The following ATP1B1 variants were observed in gnomAD, a reference collection of about 807,000 sequenced individuals.
ATP1B1 encodes ATPase Na+/K+ transporting subunit beta 1, also known as sodium/potassium-transporting ATPase subunit beta-1.
A neutral mutation model predicts 39.6 loss-of-function variants in ATP1B1; 3 were observed. That is an observed-to-expected ratio of 0.08 (90% CI 0.03 to 0.20). The LOEUF is 0.20. Ranked by LOEUF, ATP1B1 falls within the 10% of genes least tolerant of loss-of-function variation. The probability of loss-of-function intolerance (pLI) is 1.00; values close to 1 mark genes in which losing one functional copy is unlikely to be tolerated. For missense variants in ATP1B1, 216 were observed against 371.1 expected (o/e 0.58, Z 3.43); for synonymous variants, 139 against 135.0 (o/e 1.03, Z -0.20).
rs61742560 is a variant in ATP1B1 at position 169,124,978 on chromosome 1, G to T, written c.321G>T (p.Arg107Ser). ...AGGCATATGTACTGAACATAGTTAG[G>T]TTCCTGGAAAAGTACAAAGATTCAG... ...SYEAYVLNIV[R>S]FLEKYKDSAQ... is the part of the protein sequence containing the mutation. Residue 107 changes from arginine to serine, a missense_variant, in exon 3 of 6, where the codon AGG becomes AGT. Physicochemically the swap from Arg to Ser is moderately radical, Grantham distance 110. Coordinates refer to ENST00000367815, the MANE Select transcript of ATP1B1 (RefSeq NM_001677.4). 7 of 1,613,936 alleles carry T rather than the reference G, an allele frequency of 4.3e-6. No individual in the cohort carries two copies. Among genetic ancestry groups the T allele is most frequent in the Non-Finnish European group, 5.9e-6 (7 of 1,179,968 alleles).
chr1:169,116,332 G>A (rs1031638267), intron 2 of ATP1B1, among the ~76,000 whole-genome samples: 6 of 149,386 alleles, frequency 4.0e-5, no homozygotes, highest in Admixed American at 2.0e-4. Context: ...AGGTATGAAT[G>A]TATGCTGCTG....
rs1216771702 is a variant in ATP1B1, at chr1:169,110,803, G to A, written c.98-567G>A. ...GTTGATAATACAAACCAAAGGGAGA[G>A]TGATAGTAAAAAAAACAGGAGGATA... On this transcript the variant is annotated intron_variant, in intron 1 of 5. Transcript: ENST00000367815. 1.0e-5 allele frequency: 7 copies of A among 695,444 alleles called. No homozygotes were observed. The East Asian group carries it at 4.6e-4, about 46-fold the overall frequency. The allele number at this position is 695,444 out of a possible 1,614,324, so 43.1% of individuals were successfully genotyped here.
In ATP1B1 at chr1:169,124,879, T is replaced by A; in HGVS notation, c.227-5T>A. 6.2e-7 allele frequency: 1 copy of A among 1,612,408 alleles called. No individual in the cohort carries two copies. The highest frequency in any genetic ancestry group is 8.5e-7 in the Non-Finnish European group (1 of 1,179,384). On this transcript the variant is annotated splice_polypyrimidine_tract_variant and splice_region_variant and intron_variant, in intron 2 of 5. Transcript: ENST00000367815. ...TACTAATGTTTTTCTCTCTGCCTGGTCTAGGATTAACACAGATTCCTCAGA... is the reference window on the plus strand; with the variant it reads ...TACTAATGTTTTTCTCTCTGCCTGGACTAGGATTAACACAGATTCCTCAGA...
chr1:169,117,087 G>A (rs947577493), intron 2 of ATP1B1, among the ~76,000 whole-genome samples: 17 of 152,184 alleles, frequency 1.1e-4, no homozygotes, highest in Non-Finnish European at 2.2e-4. Flanking sequence ...ACTTTGGAGG[G>A]GTTGTTAGTG....
In ATP1B1 at chr1:169,131,354, T is replaced by A. The variant is rs1288826049; in HGVS notation, c.711T>A (p.Gly237=). ...ATTTTGGACTGGGCAACTCCCCTGGTTTTCCTCTGCAGTATTATCCGTACT... is the reference window on the plus strand; with the variant it reads ...ATTTTGGACTGGGCAACTCCCCTGGATTTCCTCTGCAGTATTATCCGTACT... ...VEYFGLGNSP[G]FPLQYYPYYG... The change falls in exon 6 of 6, where the codon GGT becomes GGA. Residue 237 remains glycine (G), a synonymous_variant. Coordinates refer to ENST00000367815, the MANE Select transcript of ATP1B1 (RefSeq NM_001677.4). This position sits in a 1 kb window ranked among gnomAD's most constrained non-coding sequence, Gnocchi z 4.4. 6.2e-7 allele frequency: 1 copy of A among 1,614,022 alleles called. No individual in the cohort carries two copies. The highest frequency in any genetic ancestry group is 8.5e-7 in the Non-Finnish European group (1 of 1,180,040).
Position 169,106,838 on chromosome 1 carries a change from C to T in ATP1B1, c.9C>T (p.Arg3=). The T allele has an allele frequency of 1.3e-6, 2 of 1,578,886 alleles. No individual in the cohort carries two copies. The highest frequency in any genetic ancestry group is 2.5e-5 in the East Asian group (1 of 40,288). Residue 3 remains arginine, a synonymous_variant, in exon 1 of 6, where the codon CGC becomes CGT. Transcript: ENST00000367815. ...GCTGACCCGCCATCGCCATGGCCCG[C>T]GGGAAAGCCAAGGAGGAGGGCAGCT... is the stretch of plus-strand genomic sequence containing the variant. The part of the protein sequence containing the change: MA[R]GKAKEEGSWK...
chr1:169,132,019 A>ATTTTTTTTTTT lies in ATP1B1; in HGVS notation c.*476_*486dup, dbSNP rs34447553. On this transcript the variant is annotated 3_prime_UTR_variant, in exon 6 of 6. Transcript: ENST00000367815. ...CAACGGGAATAAAACTGGCATGGTA[A>ATTTTTTTTTTT]TTTTTTTTTTTTTTTTTTTTTTGTT... The ATTTTTTTTTTT allele has an allele frequency of 6.4e-3, 1,226 of 190,682 alleles. 19 individuals are homozygous for ATTTTTTTTTTT. Among genetic ancestry groups the ATTTTTTTTTTT allele is most frequent in the East Asian group, 0.054 (234 of 4,352 alleles). 11.8% of individuals were successfully genotyped at this position (190,682 alleles called of 1,614,324 possible). A position where few individuals can be genotyped will look rare whatever the true frequency, so the allele number is the denominator to read the frequency against.
intron 2 of ATP1B1, among the ~76,000 whole-genome samples, chr1:169,115,396 T>G (rs192898448): frequency 3.0e-3 from 448 of 150,764 alleles, no homozygotes; most frequent in African/African-American, 0.01. Context: ...TCGCCCAGGC[T>G]GGAGTGCAGT....
chr1:169,132,044 T>TTTTTTTTTTTC lies in ATP1B1; in HGVS notation c.*493_*494insTTTTTTCTTTT. The TTTTTTTTTTTC allele has an allele frequency of 3.9e-6, 1 of 256,662 alleles. No individual in the cohort carries two copies. Among genetic ancestry groups the TTTTTTTTTTTC allele is most frequent in the Non-Finnish European group, 7.6e-6 (1 of 130,922 alleles). 15.9% of individuals were successfully genotyped at this position (256,662 alleles called of 1,614,324 possible). On this transcript the variant is annotated 3_prime_UTR_variant, in exon 6 of 6. Coordinates refer to ENST00000367815, the MANE Select transcript of ATP1B1 (RefSeq NM_001677.4). ...ATTTTTTTTTTTTTTTTTTTTTTGTTTTTTGGCTCTTTCAAAGGTAATGGC... is the reference window on the plus strand; with the variant it reads ...ATTTTTTTTTTTTTTTTTTTTTTGTTTTTTTTTTTTCTTTTGGCTCTTTCAAAGGTAATGGC...
intron 2 of ATP1B1, among the ~76,000 whole-genome samples, chr1:169,120,084 C>G (rs1364537470): frequency 6.6e-6 from 1 of 151,932 alleles, no homozygotes; most frequent in African/African-American, 2.4e-5. Flanking sequence ...GTGGTAATTT[C>G]CAGGAGAAGT....
chr1:169,124,158 AGCGGCTTTTG>A (rs1224216769), intron 2 of ATP1B1, among the ~76,000 whole-genome samples: 1 of 152,190 alleles, frequency 6.6e-6, no homozygotes, highest in Non-Finnish European at 1.5e-5. Context: ...TCATGAAGGC[AGCGGCTTTTG>A]GATATTAAAG....
At chr1:169,117,649 G>A (rs975000874) in intron 2 of ATP1B1, among the ~76,000 whole-genome samples, 5 of 152,186 alleles carry the variant, frequency 3.3e-5, no homozygotes, top group African/African-American at 1.2e-4. Context: ...GTCATAGAAA[G>A]TGGGGTGGAA....
intron 3 of ATP1B1, 129 bp downstream of exon 3, chr1:169,125,168 T>C (rs1658060898): frequency 1.7e-6 from 2 of 1,209,702 alleles, no homozygotes; most frequent in African/African-American, 3.1e-5. Flanking sequence ...TCTGGCCATA[T>C]TTAGACACTT....
chr1:169,132,332 G>C lies in ATP1B1; in HGVS notation c.*777G>C. 2.1e-6 allele frequency: 1 copy of C among 480,868 alleles called. No individual in the cohort carries two copies. 29.8% of individuals were successfully genotyped at this position (480,868 alleles called of 1,614,324 possible). ...CTGGATCTGCCCATCACTTTGGCTAGTGACAGGGCTAATTAATTTGCTTTA... is the reference window on the plus strand; with the variant it reads ...CTGGATCTGCCCATCACTTTGGCTACTGACAGGGCTAATTAATTTGCTTTA... On this transcript the variant is annotated 3_prime_UTR_variant, in exon 6 of 6. Transcript: ENST00000367815.
chr1:169,127,109 A>G, intron 3 of ATP1B1, 115 bp from the exon 4 acceptor site: 1 of 1,114,092 alleles, frequency 9.0e-7, no homozygotes, highest in East Asian at 2.9e-5. Flanking sequence ...CATGCATTAA[A>G]TGCAGAATAG....
chr1:169,110,857 C>T (rs1291788133), intron 1 of ATP1B1, among the ~76,000 whole-genome samples: 1 of 152,048 alleles, frequency 6.6e-6, no homozygotes, highest in Non-Finnish European at 1.5e-5. Context: ...GGATTCATTG[C>T]TCTGCCATAG....
At chr1:169,129,534 A>G (rs1658159972) in intron 4 of ATP1B1, among the ~76,000 whole-genome samples, 1 of 152,242 alleles carries the variant, frequency 6.6e-6, no homozygotes, top group African/African-American at 2.4e-5. Context: ...GGAGATTAAA[A>G]CAACAAAAAA....
intron 1 of ATP1B1, chr1:169,110,797 G>C (rs929303458): frequency 2.1e-5 from 16 of 744,710 alleles, no homozygotes; most frequent in Middle Eastern, 2.9e-4. Flanking sequence ...ACAAACCAAA[G>C]GGAGAGTGAT....
chr1:169,116,886 A>G (rs1462777400), intron 2 of ATP1B1, among the ~76,000 whole-genome samples: 2 of 151,698 alleles, frequency 1.3e-5, no homozygotes, highest in Admixed American at 6.6e-5. Flanking sequence ...CAAACAAAAA[A>G]CCCATTAGGG....
Sources: allele counts gnomAD v4.1 joint callset (sites outside exome capture counted in the v4.1 genomes callset), GRCh38; gene constraint gnomAD v4.1.1; non-coding constraint Gnocchi (gnomAD v3.1); transcripts MANE v1.5; gene names NCBI Gene and HGNC (gene_info 2026-07-23, HGNC 2026-07-21).